The following TMEM132C variants were observed in gnomAD, a reference collection of about 807,000 sequenced individuals.
TMEM132C encodes the protein protein phosphatase 1, regulatory subunit 152.
Under a neutral mutation model 61.4 loss-of-function variants are expected in TMEM132C, and 29 were observed. The ratio of observed to expected loss-of-function variants is 0.47; its 90% CI spans 0.35 to 0.64. TMEM132C has a LOEUF of 0.64. Ranked by LOEUF, TMEM132C falls within the 30% of genes least tolerant of loss-of-function variation. The probability of loss-of-function intolerance (pLI) is 0.00; values close to 1 mark genes in which losing one functional copy is unlikely to be tolerated. For synonymous variants in TMEM132C, 656 were observed against 633.1 expected (o/e 1.04, Z -0.54); for missense variants, 1,408 against 1,476.9 (o/e 0.95, Z 0.76).
chr12:128,279,350 C>G (rs568084240), intron 1 of TMEM132C, among the ~76,000 whole-genome samples: 1 of 152,060 alleles, frequency 6.6e-6, no homozygotes, highest in Non-Finnish European at 1.5e-5. Flanking sequence ...TTCATTAGCC[C>G]GACGGGAAGA....
chr12:128,279,353 C>T (rs908591517), intron 1 of TMEM132C, among the ~76,000 whole-genome samples: 4 of 152,112 alleles, frequency 2.6e-5, no homozygotes, highest in African/African-American at 7.2e-5. Flanking sequence ...ATTAGCCCGA[C>T]GGGAAGATCT....
intron 2 of TMEM132C, among the ~76,000 whole-genome samples, chr12:128,517,803 A>G (rs960143024): frequency 6.6e-6 from 1 of 152,112 alleles, no homozygotes; most frequent in African/African-American, 2.4e-5. Context: ...TGAGATTTGG[A>G]GCTAGGAGGG....
At chr12:128,564,625 G>A (rs976274477) in intron 3 of TMEM132C, among the ~76,000 whole-genome samples, 3 of 152,200 alleles carry the variant, frequency 2.0e-5, no homozygotes, top group African/African-American at 7.2e-5. Flanking sequence ...GGGGTTGAGA[G>A]ATAACATCTG....
At chr12:128,680,217 G>A (rs1417472167) in intron 5 of TMEM132C, among the ~76,000 whole-genome samples, 2 of 152,174 alleles carry the variant, frequency 1.3e-5, no homozygotes, top group African/African-American at 4.8e-5. Flanking sequence ...TAGATCACTC[G>A]AGAAAGGATG....
intron 1 of TMEM132C, among the ~76,000 whole-genome samples, chr12:128,297,078 A>G (rs114919657): frequency 6.6e-6 from 1 of 152,028 alleles, no homozygotes; most frequent in Non-Finnish European, 1.5e-5. Flanking sequence ...CAAAGTGCAT[A>G]TGTAAGTTTT....
intron 2 of TMEM132C, among the ~76,000 whole-genome samples, chr12:128,530,154 G>A (rs371425088): frequency 6.6e-6 from 1 of 152,102 alleles, no homozygotes; most frequent in Non-Finnish European, 1.5e-5. Flanking sequence ...GTCTCCGCAG[G>A]CGTAGACGAT....
At chr12:128,614,497 A>G (rs1876734236) in intron 3 of TMEM132C, among the ~76,000 whole-genome samples, 1 of 152,118 alleles carries the variant, frequency 6.6e-6, no homozygotes, top group Non-Finnish European at 1.5e-5. Context: ...GTGATGTCAT[A>G]TTTGACCACC....
intron 2 of TMEM132C, among the ~76,000 whole-genome samples, chr12:128,528,691 C>T (rs1351408559): frequency 3.3e-5 from 5 of 152,124 alleles, no homozygotes; most frequent in Admixed American, 6.5e-5. Context: ...CGCTGAATAC[C>T]GGTATCACCC....
intron 4 of TMEM132C, among the ~76,000 whole-genome samples, chr12:128,667,659 C>G (rs1373006527): frequency 6.6e-6 from 1 of 152,180 alleles, no homozygotes; most frequent in Non-Finnish European, 1.5e-5. Context: ...CTGCTTCACA[C>G]CAGAGCAGTG....
At chr12:128,691,321 A>T (rs367963753) in intron 5 of TMEM132C, among the ~76,000 whole-genome samples, 1 of 152,198 alleles carries the variant, frequency 6.6e-6, no homozygotes, top group Non-Finnish European at 1.5e-5. Flanking sequence ...GCTCCATGTC[A>T]TCTCAGTCTC....
intron 2 of TMEM132C, among the ~76,000 whole-genome samples, chr12:128,483,285 G>GAGAA (rs1294629996): frequency 6.9e-6 from 1 of 144,064 alleles, no homozygotes; most frequent in Non-Finnish European, 1.5e-5. Flanking sequence ...GAAAGAGAGA[G>GAGAA]AGAAAGAAAG....
intron 4 of TMEM132C, among the ~76,000 whole-genome samples, chr12:128,666,550 T>C (rs534375058): frequency 1.3e-5 from 2 of 152,292 alleles, no homozygotes; most frequent in East Asian, 3.9e-4. Flanking sequence ...TGCTAATTTG[T>C]AAAATGAGGA....
rs1203672542 is a variant in TMEM132C at position 128,392,920 on chromosome 12, T to TA, written c.86-21811dup. Among the ~76,000 whole-genome samples, 5 of 152,242 alleles carry TA rather than the reference T, an allele frequency of 3.3e-5. No individual in the cohort carries two copies. In the East Asian group the frequency reaches 5.8e-4, roughly 18 times the overall value. On this transcript the variant is annotated intron_variant, in intron 1 of 8. Transcript: ENST00000435159. ...CCGTGGGTTGGAGAAGCTTGATTGA[T>TA]ACGTTTCTCTAGCTAAAAGCTGCAT...
At chr12:128,544,195 G>A in intron 3 of TMEM132C, 92 bp downstream of exon 3, 1 of 1,423,052 alleles carries the variant, frequency 7.0e-7, no homozygotes, top group East Asian at 2.7e-5. Flanking sequence ...ACTCGCGTGA[G>A]CGGCTGCTCA....
intron 1 of TMEM132C, among the ~76,000 whole-genome samples, chr12:128,387,637 C>A (rs191786709): frequency 6.6e-6 from 1 of 152,114 alleles, no homozygotes; most frequent in Non-Finnish European, 1.5e-5. Flanking sequence ...CGATGAAACC[C>A]CGTCTCTGCT....
chr12:128,398,073 C>T lies in TMEM132C; in HGVS notation c.86-16659C>T, dbSNP rs546128748. ...CTGGTGCAATATTAAATAAGAACCA[C>T]GATAAGCTCAGAGGCCTCATCCATC... On this transcript the variant is annotated intron_variant, in intron 1 of 8. Coordinates refer to ENST00000435159, the MANE Select transcript of TMEM132C (RefSeq NM_001136103.3). Among the ~76,000 whole-genome samples the T allele has an allele frequency of 3.0e-4, 45 of 152,302 alleles. No individual in the cohort carries two copies. In the East Asian group the frequency reaches 3.1e-3, roughly 10 times the overall value.
At chr12:128,289,261 CTT>C (rs1225825230) in intron 1 of TMEM132C, among the ~76,000 whole-genome samples, 2 of 152,188 alleles carry the variant, frequency 1.3e-5, no homozygotes, top group African/African-American at 4.8e-5. Context: ...TACATGCACA[CTT>C]ATACACACGC....
intron 1 of TMEM132C, among the ~76,000 whole-genome samples, chr12:128,395,472 G>A (rs1355450772): frequency 1.3e-5 from 2 of 152,248 alleles, no homozygotes; most frequent in Non-Finnish European, 2.9e-5. Flanking sequence ...ATGGGGTAAC[G>A]TGCTGATAAA....
At chr12:128,340,812 TC>T (rs1239783690) in intron 1 of TMEM132C, among the ~76,000 whole-genome samples, 2 of 150,778 alleles carry the variant, frequency 1.3e-5, no homozygotes, top group Non-Finnish European at 2.9e-5. Context: ...TCTTTCTTTC[TC>T]TCTTTCTTTC....
Sources: allele counts gnomAD v4.1 joint callset (sites outside exome capture counted in the v4.1 genomes callset), GRCh38; gene constraint gnomAD v4.1.1; transcripts MANE v1.5; gene names NCBI Gene and HGNC (gene_info 2026-07-23, HGNC 2026-07-21).